Variants in TENM3 observed in about 807,000 individuals in gnomAD.
TENM3 encodes the protein teneurin-3.
TENM3 carries 63 observed loss-of-function variants against 255.1 expected under a neutral mutation model. The ratio of observed to expected loss-of-function variants is 0.25; its 90% confidence interval spans 0.20 to 0.30. TENM3 has a LOEUF of 0.30. Among genes scored for constraint, TENM3 ranks in the 10% least tolerant of loss-of-function variants. TENM3 has a pLI of 1.00. For synonymous variants in TENM3, 1,306 were observed against 1,322.3 expected, an observed-to-expected ratio of 0.99 and a Z score of 0.27; for missense variants, 2,929 against 3,461.1, an observed-to-expected ratio of 0.85 and a Z score of 3.86.
intron 22 of TENM3, among the ~76,000 whole-genome samples, chr4:182,765,625 C>G (rs1179391576): frequency 6.6e-6 from 1 of 152,104 alleles, no homozygotes; most frequent in African/African-American, 2.4e-5. Flanking sequence ...ACCCTTCCTC[C>G]TTACTCACCT....
chr4:181,733,956 G>A, the TENM3 span, among the ~76,000 whole-genome samples: 62 of 152,232 alleles, frequency 4.1e-4, no homozygotes, highest in South Asian at 2.7e-3. Context: ...GGAACCTGCC[G>A]TTCTATTTTA....
At chr4:181,642,168 C>G in the TENM3 span, among the ~76,000 whole-genome samples, 1 of 152,074 alleles carries the variant, frequency 6.6e-6, no homozygotes, top group Non-Finnish European at 1.5e-5. Context: ...GCCATTCTAA[C>G]AGGTGTGAGA....
At chr4:182,625,035 T>C (rs1581141073) in intron 4 of TENM3, among the ~76,000 whole-genome samples, 1 of 152,196 alleles carries the variant, frequency 6.6e-6, no homozygotes, top group Non-Finnish European at 1.5e-5. Flanking sequence ...AGGCATTTTA[T>C]TCTTCACCGC....
At chr4:182,383,461 A>G (rs1767703097) in intron 3 of TENM3, among the ~76,000 whole-genome samples, 1 of 151,114 alleles carries the variant, frequency 6.6e-6, no homozygotes, top group Non-Finnish European at 1.5e-5. Flanking sequence ...GTTTTAAAAA[A>G]CATATTTTTA....
chr4:181,469,320 A>G, the TENM3 span, among the ~76,000 whole-genome samples: 6 of 152,196 alleles, frequency 3.9e-5, no homozygotes, highest in African/African-American at 1.4e-4. Context: ...ATATCTATAT[A>G]CATCTCCCTC....
At chr4:181,866,131 A>G in the TENM3 span, among the ~76,000 whole-genome samples, 10,312 of 152,252 alleles carry the variant, frequency 0.068, 1,159 homozygotes, top group African/African-American at 0.23. Context: ...ATATTTGGAA[A>G]CCATAATCTT....
At chr4:181,986,595 A>G in the TENM3 span, among the ~76,000 whole-genome samples, 1 of 151,986 alleles carries the variant, frequency 6.6e-6, no homozygotes, top group Admixed American at 6.6e-5. Context: ...GCTCATACCT[A>G]TAGCGTTGTG....
At chr4:182,711,060 G>T (rs17073904) in intron 12 of TENM3, among the ~76,000 whole-genome samples, 42,045 of 152,052 alleles carry the variant, frequency 0.28, 6,097 homozygotes, top group Middle Eastern at 0.34. Context: ...TATCTGGCTT[G>T]CAGTCAAGAG....
Position 182,200,294 on chromosome 4 carries a change from C to T in TENM3, c.-76+55540C>T, listed in dbSNP as rs74859081. Among the ~76,000 whole-genome samples, 751 of 152,204 alleles carry T rather than the reference C, an allele frequency of 4.9e-3. 10 individuals are homozygous for T. Among genetic ancestry groups the T allele is most frequent in the African/African-American group, 0.017 (720 of 41,500 alleles). On this transcript the variant is annotated intron_variant, in intron 1 of 2. Coordinates refer to the TENM3 transcript ENST00000512480. ...AGGTGTTAGAAATAGTATTATTGAA[C>T]CCAAATCATCTTTAAAACTTATTCC...
chr4:182,649,525 T>A (rs1300696001), intron 5 of TENM3, among the ~76,000 whole-genome samples: 1 of 150,500 alleles, frequency 6.6e-6, no homozygotes, highest in Non-Finnish European at 1.5e-5. Flanking sequence ...AATAAAAATT[T>A]TTCATGATTA....
At chr4:181,927,790 G>A in the TENM3 span, among the ~76,000 whole-genome samples, 1 of 152,290 alleles carries the variant, frequency 6.6e-6, no homozygotes, top group East Asian at 1.9e-4. Context: ...CTGGCATCTG[G>A]CAGGTGTCCC....
intron 1 of TENM3, among the ~76,000 whole-genome samples, chr4:182,203,002 G>A (rs1008152778): frequency 2.8e-4 from 42 of 151,956 alleles, no homozygotes; most frequent in Non-Finnish European, 5.7e-4. Flanking sequence ...GGTCACCTGA[G>A]GTCAGGAGTT....
At chr4:181,890,852 A>G in the TENM3 span, among the ~76,000 whole-genome samples, 1 of 152,188 alleles carries the variant, frequency 6.6e-6, no homozygotes, top group Non-Finnish European at 1.5e-5. Context: ...GGAGAATAGT[A>G]TCCCAATGAC....
the TENM3 span, among the ~76,000 whole-genome samples, chr4:181,688,919 A>G: frequency 2.4e-4 from 36 of 152,284 alleles, no homozygotes; most frequent in East Asian, 2.5e-3. Context: ...CATCCTGGGT[A>G]CCCTTAGTCT....
chr4:181,683,701 G>A, the TENM3 span, among the ~76,000 whole-genome samples: 1 of 152,144 alleles, frequency 6.6e-6, no homozygotes, highest in Admixed American at 6.6e-5. Context: ...AGGCGAAGAG[G>A]GTATGGATGA....
chr4:181,723,234 T>G, the TENM3 span, among the ~76,000 whole-genome samples: 1 of 151,210 alleles, frequency 6.6e-6, no homozygotes, highest in East Asian at 1.9e-4. Context: ...CCCTCGGAAT[T>G]GTCTCTTAAA....
At chr4:181,455,760 C>A in the TENM3 span, among the ~76,000 whole-genome samples, 1 of 151,806 alleles carries the variant, frequency 6.6e-6, no homozygotes, top group African/African-American at 2.4e-5. Flanking sequence ...AAAATCTCAA[C>A]AGAGAAAAGA....
At chr4:182,396,807 C>T (rs531528830) in intron 3 of TENM3, among the ~76,000 whole-genome samples, 1 of 151,948 alleles carries the variant, frequency 6.6e-6, no homozygotes, top group African/African-American at 2.4e-5. Flanking sequence ...ACTAAAAATA[C>T]AAAAATTAGC....
At chr4:181,654,395 A>G in the TENM3 span, among the ~76,000 whole-genome samples, 1 of 152,142 alleles carries the variant, frequency 6.6e-6, no homozygotes, top group African/African-American at 2.4e-5. Flanking sequence ...TGAAAAGGAT[A>G]TGTGCTCTCT....
Sources: gnomAD v4.1 joint callset for allele counts (sites outside exome capture counted in the v4.1 genomes callset) on GRCh38, gnomAD v4.1.1 for gene constraint, MANE v1.5 for transcripts, NCBI Gene and HGNC (gene_info 2026-07-23, HGNC 2026-07-21) for gene names.